CADM1: variants seen among roughly 807,000 people sequenced by gnomAD.
CADM1 encodes the protein cell adhesion molecule 1.
In CADM1, 15 loss-of-function variants were observed where a neutral mutation model predicts 53.1. That is an observed-to-expected ratio of 0.28 (90% CI 0.19 to 0.44). CADM1 has a LOEUF of 0.44. Among genes scored for constraint, CADM1 ranks in the 20% least tolerant of loss-of-function variants. The pLI is 1.00. For missense variants in CADM1, 434 were observed against 611.3 expected (o/e 0.71, Z 3.06); for synonymous variants, 281 against 243.0 (o/e 1.16, Z -1.45).
intron 1 of CADM1, among the ~76,000 whole-genome samples, chr11:115,331,479 A>G (rs1945126413): frequency 6.6e-6 from 1 of 152,194 alleles, no homozygotes; most frequent in Admixed American, 6.5e-5. Context: ...CCAAAAGGTA[A>G]GCACATTGTT....
chr11:115,223,973 A>AAGAGAGAGAGAG (rs1555043883), intron 5 of CADM1, among the ~76,000 whole-genome samples: 929 of 92,444 alleles, frequency 0.01, 10 homozygotes, highest in South Asian at 0.016. Context: ...AAAAAAAAAA[A>AAGAGAGAGAGAG]AGAGAGAGAG....
At chr11:115,267,472 T>A (rs1415272021) in intron 1 of CADM1, among the ~76,000 whole-genome samples, 1 of 152,168 alleles carries the variant, frequency 6.6e-6, no homozygotes, top group African/African-American at 2.4e-5. Flanking sequence ...AAATTTACAG[T>A]GCCTGGCTTG....
At chr11:115,340,626 T>TTATATACATATA (rs1555069218) in intron 1 of CADM1, among the ~76,000 whole-genome samples, 16 of 48,250 alleles carry the variant, frequency 3.3e-4, no homozygotes, top group African/African-American at 1.2e-3. Context: ...ATAATAAATA[T>TTATATACATATA]TATATATATA....
chr11:115,391,359 T>C (rs1485637367), intron 1 of CADM1, among the ~76,000 whole-genome samples: 1 of 152,228 alleles, frequency 6.6e-6, no homozygotes, highest in Non-Finnish European at 1.5e-5. Flanking sequence ...ACAATGGTCT[T>C]TCAGACTTGA....
intron 1 of CADM1, among the ~76,000 whole-genome samples, chr11:115,488,369 A>C (rs1430624137): frequency 6.6e-6 from 1 of 152,192 alleles, no homozygotes; most frequent in Non-Finnish European, 1.5e-5. Flanking sequence ...AAGTTATGAG[A>C]GGCCCTCCTC....
At chr11:115,303,119 G>A (rs534876714) in intron 1 of CADM1, among the ~76,000 whole-genome samples, 8 of 152,174 alleles carry the variant, frequency 5.3e-5, no homozygotes, top group East Asian at 3.9e-4. Flanking sequence ...TCAGATGGGT[G>A]TGGTACAAAA....
chr11:115,329,392 T>G (rs1565368655), intron 1 of CADM1, among the ~76,000 whole-genome samples: 1 of 151,992 alleles, frequency 6.6e-6, no homozygotes, highest in African/African-American at 2.4e-5. Context: ...AGTCTGGGCA[T>G]TTTTTTGAAG....
At chr11:115,340,990 G>A (rs1945432325) in intron 1 of CADM1, among the ~76,000 whole-genome samples, 1 of 151,912 alleles carries the variant, frequency 6.6e-6, no homozygotes. Context: ...GCAAATGGAA[G>A]AAAATGTTGT....
At chr11:115,225,929 C>T (rs1172487410) in intron 5 of CADM1, among the ~76,000 whole-genome samples, 3 of 152,030 alleles carry the variant, frequency 2.0e-5, no homozygotes, top group Non-Finnish European at 4.4e-5. Context: ...TTTCCATAAA[C>T]CTTCATGGTG....
intron 1 of CADM1, among the ~76,000 whole-genome samples, chr11:115,273,222 A>T (rs1338977157): frequency 6.6e-6 from 1 of 152,240 alleles, no homozygotes; most frequent in Non-Finnish European, 1.5e-5. Flanking sequence ...AAATGTCTAA[A>T]TGGCTAAAAA....
chr11:115,289,093 G>A lies in CADM1; in HGVS notation c.125-48673C>T, dbSNP rs894316141. Among the ~76,000 whole-genome samples the A allele has an allele frequency of 1.1e-4, 16 of 152,294 alleles. No individual in the cohort carries two copies. The East Asian group carries it at 1.9e-3, about 18-fold the overall frequency. On this transcript the variant is annotated intron_variant, in intron 1 of 11. Coordinates refer to ENST00000331581, the MANE Select transcript of CADM1 (RefSeq NM_001301043.2). ...AAAAATAAGAGTTATTGCCAGGCTCGGTGGCTCACGCCTATAATCCCAGCA... is the reference window on the plus strand; with the variant it reads ...AAAAATAAGAGTTATTGCCAGGCTCAGTGGCTCACGCCTATAATCCCAGCA...
chr11:115,209,516 C>G, intron 8 of CADM1, 58 bp downstream of exon 8: 1 of 1,587,906 alleles, frequency 6.3e-7, no homozygotes, highest in Admixed American at 1.7e-5. Flanking sequence ...TCTTTTTATA[C>G]ATACCAGAAA....
At chr11:115,270,724 C>T (rs1313524523) in intron 1 of CADM1, among the ~76,000 whole-genome samples, 8 of 152,194 alleles carry the variant, frequency 5.3e-5, no homozygotes, top group Non-Finnish European at 1.5e-5. Flanking sequence ...CACCCCCACT[C>T]CCAATAAAAA....
chr11:115,251,209 T>A (rs1203552514), intron 1 of CADM1, among the ~76,000 whole-genome samples: 1 of 152,244 alleles, frequency 6.6e-6, no homozygotes, highest in African/African-American at 2.4e-5. Context: ...GCATTTACAG[T>A]ACCTGCCTCA....
chr11:115,178,266 A>C (rs955589466), intron 11 of CADM1, among the ~76,000 whole-genome samples: 1 of 152,184 alleles, frequency 6.6e-6, no homozygotes, highest in South Asian at 2.1e-4. Flanking sequence ...CCCAGAAAAC[A>C]GTAGGTTGTG....
chr11:115,256,920 TA>T (rs1377733054), intron 1 of CADM1: 2 of 455,802 alleles, frequency 4.4e-6, no homozygotes, highest in Non-Finnish European at 8.8e-6. Flanking sequence ...TCAGAGAGAA[TA>T]ACATTCTGAA....
intron 1 of CADM1, among the ~76,000 whole-genome samples, chr11:115,316,275 T>C (rs1944664383): frequency 6.6e-6 from 1 of 152,162 alleles, no homozygotes; most frequent in South Asian, 2.1e-4. Flanking sequence ...TAGAAACATC[T>C]CCACAGTGAG....
chr11:115,174,474 T>C lies in CADM1; in HGVS notation c.*2000A>G. The C allele has an allele frequency of 1.0e-6, 1 of 985,762 alleles. No individual in the cohort carries two copies. The highest frequency in any genetic ancestry group is 1.2e-6 in the Non-Finnish European group (1 of 829,902). The allele number at this position is 985,762 out of a possible 1,614,324, so 61.1% of individuals were successfully genotyped here. A position where few individuals can be genotyped will look rare whatever the true frequency, so the allele number is the denominator to read the frequency against. ...ATTGTGGCTTTTTGTCTTGGTTAAG[T>C]GCCTAGGGATAGGGGAGGGGTAAAT... On this transcript the variant is annotated 3_prime_UTR_variant, in exon 12 of 12. Transcript: ENST00000331581.
intron 1 of CADM1, among the ~76,000 whole-genome samples, chr11:115,343,838 T>C (rs1945509050): frequency 6.6e-6 from 1 of 152,106 alleles, no homozygotes; most frequent in African/African-American, 2.4e-5. Context: ...GGCAAAACTT[T>C]AACGCTTCTG....
Sources: gnomAD v4.1 joint callset for allele counts (sites outside exome capture counted in the v4.1 genomes callset) on GRCh38, gnomAD v4.1.1 for gene constraint, MANE v1.5 for transcripts, NCBI Gene and HGNC (gene_info 2026-07-23, HGNC 2026-07-21) for gene names.